Variants in ABCA13 observed in about 807,000 individuals in gnomAD.
ABCA13 encodes ATP-binding cassette sub-family A member 13.
ABCA13 carries 476 observed loss-of-function variants against 478.7 expected under a neutral mutation model. The ratio of observed to expected loss-of-function variants is 0.99; its 90% CI spans 0.92 to 1.07. The LOEUF (loss-of-function observed/expected upper bound fraction) is 1.07, where lower values mean the gene tolerates loss of function less well. Among genes scored for constraint, ABCA13 ranks in the 50% least tolerant of loss-of-function variants. ABCA13 has a pLI of 0.00. For missense variants in ABCA13, 6,060 were observed against 5,910.6 expected, an observed-to-expected ratio of 1.03 and a Z score of -0.83; for synonymous variants, 2,252 against 2,158.9, an observed-to-expected ratio of 1.04 and a Z score of -1.20.
At chr7:48,395,855 T>C (rs1816767128) in intron 38 of ABCA13, among the ~76,000 whole-genome samples, 2 of 152,206 alleles carry the variant, frequency 1.3e-5, no homozygotes, top group African/African-American at 4.8e-5. Flanking sequence ...AGAATATTAG[T>C]AGGTAAGCTT....
intron 46 of ABCA13, 41 bp from the exon 47 acceptor site, chr7:48,483,035 C>A: frequency 6.5e-7 from 1 of 1,536,228 alleles, no homozygotes; most frequent in Non-Finnish European, 8.9e-7. Context: ...AGTCCTGGTG[C>A]TCTGTGGTTG....
intron 55 of ABCA13, among the ~76,000 whole-genome samples, chr7:48,552,314 T>C (rs1278771313): frequency 6.6e-6 from 1 of 151,912 alleles, no homozygotes; most frequent in Non-Finnish European, 1.5e-5. Context: ...CATGTTTTGC[T>C]GAATCTTAGA....
intron 29 of ABCA13, among the ~76,000 whole-genome samples, chr7:48,340,259 G>A (rs978779558): frequency 3.3e-5 from 5 of 151,844 alleles, no homozygotes; most frequent in African/African-American, 4.8e-5. Flanking sequence ...GGTGCGCACC[G>A]CCATGCCCGG....
intron 31 of ABCA13, among the ~76,000 whole-genome samples, chr7:48,365,775 T>A (rs934714202): frequency 1.3e-5 from 2 of 152,204 alleles, no homozygotes; most frequent in Non-Finnish European, 2.9e-5. Flanking sequence ...CATTGGTTTA[T>A]GTGTCTGTTT....
chr7:48,313,246 T>C lies in ABCA13; in HGVS notation c.9681+15T>C. 1 of 1,597,676 alleles carries C rather than the reference T, an allele frequency of 6.3e-7. No individual in the cohort carries two copies. The highest frequency in any genetic ancestry group is 8.5e-7 in the Non-Finnish European group (1 of 1,172,142). ...ACTTTCAACAGGTGTGTGTTTCATC[T>C]TTGTCCCTAGGGAAATATTCAAATT... is the stretch of plus-strand genomic sequence containing the variant. On this transcript the variant is annotated intron_variant, in intron 25 of 61. Transcript: ENST00000435803.
At chr7:48,365,930 A>G (rs1811595559) in intron 31 of ABCA13, among the ~76,000 whole-genome samples, 1 of 152,320 alleles carries the variant, frequency 6.6e-6, no homozygotes, top group African/African-American at 2.4e-5. Flanking sequence ...TACCCAAAAC[A>G]ATCTGCAGAT....
intron 27 of ABCA13, among the ~76,000 whole-genome samples, chr7:48,320,050 C>T (rs1803209348): frequency 6.6e-6 from 1 of 152,096 alleles, no homozygotes; most frequent in Non-Finnish European, 1.5e-5. Context: ...CAAGCATTTT[C>T]ATGAACTGGA....
intron 42 of ABCA13, among the ~76,000 whole-genome samples, chr7:48,450,442 TA>T (rs1824851757): frequency 6.6e-6 from 1 of 152,226 alleles, no homozygotes; most frequent in Non-Finnish European, 1.5e-5. Flanking sequence ...TTAAGTAGGT[TA>T]AAAAATGCTT....
intron 26 of ABCA13, among the ~76,000 whole-genome samples, 186 bp from the exon 27 acceptor site, chr7:48,316,971 A>T (rs967703906): frequency 6.6e-6 from 1 of 152,218 alleles, no homozygotes; most frequent in African/African-American, 2.4e-5. Flanking sequence ...ACTGGGGATC[A>T]AATTTCAACT....
chr7:48,180,587 A>AT (rs556891009), intron 1 of ABCA13, among the ~76,000 whole-genome samples: 3,875 of 147,130 alleles, frequency 0.026, 171 homozygotes, highest in African/African-American at 0.089. Context: ...TGCCTGGCTA[A>AT]TTTTTTTTTT....
intron 13 of ABCA13, among the ~76,000 whole-genome samples, chr7:48,247,882 C>T (rs1338324727): frequency 4.6e-5 from 7 of 152,098 alleles, no homozygotes; most frequent in African/African-American, 1.2e-4. Flanking sequence ...TATGGGTTTA[C>T]GTGAGCCAGA....
intron 19 of ABCA13, among the ~76,000 whole-genome samples, chr7:48,284,461 T>A (rs1035775274): frequency 2.6e-5 from 4 of 152,228 alleles, no homozygotes; most frequent in African/African-American, 9.6e-5. Flanking sequence ...GGTTGGTACA[T>A]GATTTCAGCA....
intron 59 of ABCA13, among the ~76,000 whole-genome samples, chr7:48,627,707 G>T (rs887490388): frequency 1.3e-5 from 2 of 152,164 alleles, no homozygotes; most frequent in African/African-American, 2.4e-5. Context: ...AAGGAAAGAG[G>T]TTCATTTAGT....
At chr7:48,386,169 G>T (rs781056636) in intron 35 of ABCA13, among the ~76,000 whole-genome samples, 6 of 152,154 alleles carry the variant, frequency 3.9e-5, no homozygotes, top group East Asian at 1.9e-4. Context: ...AAATATCTAG[G>T]AATACACCTA....
At chr7:48,633,574 G>T (rs918570455) in intron 59 of ABCA13, among the ~76,000 whole-genome samples, 1 of 151,856 alleles carries the variant, frequency 6.6e-6, no homozygotes, top group Non-Finnish European at 1.5e-5. Flanking sequence ...AACCACAATG[G>T]AATATAAAAA....
At position 48,487,692 on chromosome 7, in the gene ABCA13, T is replaced by C. The variant is rs113326897; in HGVS notation, c.13183-1544T>C. ...GGGAGGTTCCACTTTCCATAGGCAG[T>C]GGGCTTTTCTACCAGATTAGCCTGT... On this transcript the variant is annotated intron_variant, in intron 47 of 61. Transcript: ENST00000435803. 3.3e-5 allele frequency among the ~76,000 whole-genome samples: 5 copies of C among 152,252 alleles called. 1 individual carries two copies. Among genetic ancestry groups the C allele is most frequent in the African/African-American group, 1.2e-4 (5 of 41,550 alleles).
chr7:48,481,172 G>C lies in ABCA13; in HGVS notation c.13094+18G>C. On this transcript the variant is annotated intron_variant, in intron 46 of 61. Coordinates refer to ENST00000435803, the MANE Select transcript of ABCA13 (RefSeq NM_152701.5). ...AAACCAAGGTGTGTTCAATACTCTTGTTGGGTCTTTACTTGTTTGGATTAC... is the reference window on the plus strand; with the variant it reads ...AAACCAAGGTGTGTTCAATACTCTTCTTGGGTCTTTACTTGTTTGGATTAC... 2 of 1,519,864 alleles carry C rather than the reference G, an allele frequency of 1.3e-6. No homozygotes were observed. The highest frequency in any genetic ancestry group is 1.8e-6 in the Non-Finnish European group (2 of 1,113,404). 94.1% of individuals were successfully genotyped at this position (1,519,864 alleles called of 1,614,324 possible).
chr7:48,333,160 T>C (rs1380224742), intron 27 of ABCA13, among the ~76,000 whole-genome samples: 1 of 152,218 alleles, frequency 6.6e-6, no homozygotes, highest in East Asian at 1.9e-4. Context: ...GTTGCACAGA[T>C]TGGGTACCAC....
intron 1 of ABCA13, among the ~76,000 whole-genome samples, chr7:48,192,187 GT>G (rs540585616): frequency 0.027 from 3,911 of 146,184 alleles, 168 homozygotes; most frequent in African/African-American, 0.085. Context: ...TATAGGTGGT[GT>G]TTTTTTTTTT....
Sources: allele counts gnomAD v4.1 joint callset (sites outside exome capture counted in the v4.1 genomes callset), GRCh38; gene constraint gnomAD v4.1.1; transcripts MANE v1.5; gene names NCBI Gene and HGNC (gene_info 2026-07-23, HGNC 2026-07-21).